NEGR1: variants seen among roughly 807,000 people sequenced by gnomAD.
NEGR1 encodes IgLON family member 4.
In NEGR1, 10 loss-of-function variants were observed where a neutral mutation model predicts 40.9. That is an observed-to-expected ratio of 0.24 (90% confidence interval 0.15 to 0.42). NEGR1 has a LOEUF of 0.42. Among genes scored for constraint, NEGR1 ranks in the 10% least tolerant of loss-of-function variants. NEGR1 has a pLI of 1.00. For synonymous variants in NEGR1, 185 were observed against 166.8 expected (o/e 1.11, Z -0.84); for missense variants, 352 against 438.9 (o/e 0.80, Z 1.77).
chr1:71,920,338 A>G (rs1645702946), intron 2 of NEGR1, among the ~76,000 whole-genome samples: 1 of 152,190 alleles, frequency 6.6e-6, no homozygotes, highest in South Asian at 2.1e-4. Context: ...GACTTGAAGT[A>G]GCTCCTCATT....
chr1:72,255,581 C>A (rs1434105551), intron 1 of NEGR1, among the ~76,000 whole-genome samples: 1 of 128,960 alleles, frequency 7.8e-6, no homozygotes, highest in Non-Finnish European at 1.6e-5. Flanking sequence ...TGGAGTCTTG[C>A]TCTGTTTGCC....
chr1:71,449,372 A>G (rs1646607556), intron 6 of NEGR1, among the ~76,000 whole-genome samples: 1 of 152,224 alleles, frequency 6.6e-6, no homozygotes, highest in East Asian at 1.9e-4. Flanking sequence ...CTTTTATGGA[A>G]AAGATAAAAC....
At chr1:72,043,726 G>A (rs1646975967) in intron 1 of NEGR1, among the ~76,000 whole-genome samples, 1 of 151,818 alleles carries the variant, frequency 6.6e-6, no homozygotes, top group South Asian at 2.1e-4. Context: ...ATCGAAATTG[G>A]TCTGAATGAC....
intron 5 of NEGR1, among the ~76,000 whole-genome samples, chr1:71,598,766 C>A (rs1649822220): frequency 6.6e-6 from 1 of 152,328 alleles, no homozygotes; most frequent in African/African-American, 2.4e-5. Context: ...TCCTAAAATT[C>A]TCTGTAAAGT....
chr1:71,970,647 C>T (rs1009676737), intron 1 of NEGR1, among the ~76,000 whole-genome samples: 2 of 151,966 alleles, frequency 1.3e-5, no homozygotes, highest in Non-Finnish European at 2.9e-5. Flanking sequence ...GAGATAGTGC[C>T]ACTGCAATCC....
chr1:71,936,809 A>T (rs1476876311), intron 1 of NEGR1, among the ~76,000 whole-genome samples: 1 of 152,204 alleles, frequency 6.6e-6, no homozygotes, highest in Non-Finnish European at 1.5e-5. Flanking sequence ...CATTGTGTTT[A>T]ATAGTAGTCA....
intron 2 of NEGR1, among the ~76,000 whole-genome samples, chr1:71,840,301 AATTACCACATC>A (rs1659193221): frequency 6.6e-6 from 1 of 152,160 alleles, no homozygotes; most frequent in Non-Finnish European, 1.5e-5. Flanking sequence ...AAGTGTTCAG[AATTACCACATC>A]ATTAGAGATA....
chr1:71,759,596 C>CTTTTTTTTTTTTTTTTTTTTTT (rs71074804), intron 3 of NEGR1, among the ~76,000 whole-genome samples: 1 of 31,952 alleles, frequency 3.1e-5, no homozygotes, highest in Non-Finnish European at 6.3e-5. Context: ...TGCGTCCAGG[C>CTTTTTTTTTTTTTTTTTTTTTT]TTTTTTTTTT....
chr1:71,884,699 G>A (rs1426399377), intron 2 of NEGR1, among the ~76,000 whole-genome samples: 3 of 152,092 alleles, frequency 2.0e-5, no homozygotes, highest in East Asian at 3.9e-4. Flanking sequence ...CATGAATCAA[G>A]TACATGAAGA....
At chr1:71,460,652 G>A (rs1013264022) in intron 6 of NEGR1, among the ~76,000 whole-genome samples, 6 of 152,158 alleles carry the variant, frequency 3.9e-5, no homozygotes, top group South Asian at 2.1e-4. Context: ...CACTGTCATC[G>A]AGCCTATGAT....
At chr1:71,966,777 A>C (rs1289393474) in intron 1 of NEGR1, among the ~76,000 whole-genome samples, 3 of 152,200 alleles carry the variant, frequency 2.0e-5, no homozygotes, top group Non-Finnish European at 4.4e-5. Flanking sequence ...CAGCCAATGC[A>C]GATGGTAACT....
At chr1:71,459,461 C>G (rs917337451) in intron 6 of NEGR1, among the ~76,000 whole-genome samples, 2 of 152,178 alleles carry the variant, frequency 1.3e-5, no homozygotes, top group Non-Finnish European at 2.9e-5. Flanking sequence ...TTTCTGCTGC[C>G]CATCAACTTG....
chr1:71,926,870 G>A (rs1645778813), intron 2 of NEGR1, among the ~76,000 whole-genome samples: 1 of 151,948 alleles, frequency 6.6e-6, no homozygotes, highest in South Asian at 2.1e-4. Flanking sequence ...AGGAATATAT[G>A]ATCTATATAT....
At chr1:71,731,742 A>T (rs1226276341) in intron 3 of NEGR1, among the ~76,000 whole-genome samples, 1 of 152,204 alleles carries the variant, frequency 6.6e-6, no homozygotes, top group Non-Finnish European at 1.5e-5. Context: ...TATTGTTTTC[A>T]TATACAGCAT....
At chr1:72,053,343 T>A (rs1168563509) in intron 1 of NEGR1, among the ~76,000 whole-genome samples, 2 of 136,040 alleles carry the variant, frequency 1.5e-5, no homozygotes, top group Non-Finnish European at 3.3e-5. Context: ...ACAAATTATA[T>A]GTAATAATTT....
At chr1:71,513,209 C>A (rs1003666952) in intron 6 of NEGR1, among the ~76,000 whole-genome samples, 2 of 152,050 alleles carry the variant, frequency 1.3e-5, no homozygotes, top group Non-Finnish European at 2.9e-5. Context: ...GTTAACTAAG[C>A]ATATTTAGTT....
chr1:71,676,015 G>A (rs542932388), intron 4 of NEGR1, among the ~76,000 whole-genome samples: 3 of 152,124 alleles, frequency 2.0e-5, no homozygotes, highest in African/African-American at 7.2e-5. Context: ...CTTCCACCAT[G>A]TTACCTACCA....
intron 1 of NEGR1, among the ~76,000 whole-genome samples, chr1:72,042,192 A>G (rs1646962809): frequency 6.6e-6 from 1 of 151,694 alleles, no homozygotes; most frequent in African/African-American, 2.4e-5. Context: ...CAGCAGGTGG[A>G]GGCAAGGTGG....
intron 6 of NEGR1, among the ~76,000 whole-genome samples, chr1:71,520,282 T>C (rs895568037): frequency 6.6e-6 from 1 of 152,068 alleles, no homozygotes; most frequent in African/African-American, 2.4e-5. Context: ...TAGTAAATAG[T>C]AATGCCTTTT....
Sources: allele counts gnomAD v4.1 joint callset (sites outside exome capture counted in the v4.1 genomes callset), GRCh38; gene constraint gnomAD v4.1.1; transcripts MANE v1.5; gene names NCBI Gene and HGNC (gene_info 2026-07-23, HGNC 2026-07-21).